Variants in CECR2 observed in about 807,000 individuals in gnomAD.
The protein encoded by CECR2 is chromatin remodeling regulator CECR2.
Under a neutral mutation model 154.5 loss-of-function variants are expected in CECR2, and 30 were observed. That is an observed-to-expected ratio of 0.19 (90% CI 0.15 to 0.26). The LOEUF is 0.26. Ranked by LOEUF, CECR2 falls within the 10% of genes least tolerant of loss-of-function variation. The pLI is 1.00. For synonymous variants in CECR2, 725 were observed against 683.7 expected (o/e 1.06, Z -0.94); for missense variants, 1,743 against 1,829.3 (o/e 0.95, Z 0.86).
At chr22:17,477,326 A>G (rs5747195) in intron 1 of CECR2, among the ~76,000 whole-genome samples, 12,393 of 152,246 alleles carry the variant, frequency 0.081, 637 homozygotes, top group South Asian at 0.23. Flanking sequence ...AAAAAGAGTT[A>G]TGTGTGTTTC....
chr22:17,415,582 AC>A (rs1379203885), intron 1 of CECR2, among the ~76,000 whole-genome samples: 15 of 152,254 alleles, frequency 9.9e-5, no homozygotes, highest in African/African-American at 3.6e-4. Context: ...TGTGCCTTCT[AC>A]AGTTGGTATT....
At chr22:17,499,176 AGGTG>A (rs2055690204) in intron 3 of CECR2, among the ~76,000 whole-genome samples, 2 of 151,236 alleles carry the variant, frequency 1.3e-5, no homozygotes, top group African/African-American at 4.9e-5. Context: ...TTTTTAGTAG[AGGTG>A]GGGTTTCACC....
intron 16 of CECR2, among the ~76,000 whole-genome samples, chr22:17,547,038 CAAAAAAAAAA>C (rs1167599171): frequency 1.9e-5 from 1 of 53,824 alleles, no homozygotes; most frequent in Non-Finnish European, 3.8e-5. Context: ...GACTCTGCCT[CAAAAAAAAAA>C]AAAAAAAAAA....
intron 2 of CECR2, among the ~76,000 whole-genome samples, chr22:17,482,572 C>T (rs902097034): frequency 6.6e-6 from 1 of 152,014 alleles, no homozygotes; most frequent in Admixed American, 6.6e-5. Flanking sequence ...CTCACTCTGG[C>T]ACCCAGGCTG....
At chr22:17,522,898 G>A (rs989817350) in intron 8 of CECR2, among the ~76,000 whole-genome samples, 35 of 151,736 alleles carry the variant, frequency 2.3e-4, no homozygotes, top group Admixed American at 7.9e-4. Context: ...TCAGCTACTC[G>A]AGAGGCTAAG....
At chr22:17,526,808 CAAAAAAAAA>C (rs34800488) in intron 9 of CECR2, among the ~76,000 whole-genome samples, 33 of 71,686 alleles carry the variant, frequency 4.6e-4, no homozygotes, top group African/African-American at 2.0e-3. Flanking sequence ...GACTCCATCT[CAAAAAAAAA>C]AAAAAAAAAA....
At chr22:17,475,325 G>A (rs9604747) in intron 1 of CECR2, among the ~76,000 whole-genome samples, 26,250 of 152,052 alleles carry the variant, frequency 0.17, 2,955 homozygotes, top group Non-Finnish European at 0.25. Context: ...AACATTGGCC[G>A]GGGGGAGCAG....
At position 17,447,798 on chromosome 22, in the gene CECR2, C is replaced by T. The variant is rs189011456; in HGVS notation, c.127-29790C>T. Reference sequence around the variant, plus strand: ...GAGCCCTGTTGTCCAATGTATTAGCCACTGGCAGCTGTGTAAGTTTACCTT... The same window carrying T: ...GAGCCCTGTTGTCCAATGTATTAGCTACTGGCAGCTGTGTAAGTTTACCTT... On this transcript the variant is annotated intron_variant, in intron 1 of 18. Transcript: ENST00000262608. Among the ~76,000 whole-genome samples, 17 of 152,114 alleles carry T rather than the reference C, an allele frequency of 1.1e-4. No homozygotes were observed. The East Asian group carries it at 1.9e-3, about 17-fold the overall frequency.
chr22:17,491,158 A>G (rs961794312), intron 2 of CECR2, among the ~76,000 whole-genome samples: 7 of 152,294 alleles, frequency 4.6e-5, no homozygotes, highest in Middle Eastern at 3.4e-3. Flanking sequence ...GCTGTTAGGA[A>G]TTCTGCCGCT....
intron 1 of CECR2, among the ~76,000 whole-genome samples, chr22:17,363,353 C>A (rs1472498364): frequency 6.6e-6 from 1 of 151,944 alleles, no homozygotes; most frequent in African/African-American, 2.4e-5. Flanking sequence ...CTACAGGTGC[C>A]CACCACCATG....
chr22:17,516,167 A>AG (rs2056049967), intron 8 of CECR2, among the ~76,000 whole-genome samples: 1 of 152,092 alleles, frequency 6.6e-6, no homozygotes, highest in South Asian at 2.1e-4. Context: ...TGGTCCAAAG[A>AG]GGAGAGGGAC....
chr22:17,521,827 A>G (rs901172816), intron 8 of CECR2, among the ~76,000 whole-genome samples: 2 of 152,300 alleles, frequency 1.3e-5, no homozygotes, highest in East Asian at 1.9e-4. Context: ...GTCCTTGCCC[A>G]TGCCTATGTC....
At chr22:17,506,803 G>C (rs748810961) in intron 7 of CECR2, among the ~76,000 whole-genome samples, 1 of 152,064 alleles carries the variant, frequency 6.6e-6, no homozygotes, top group Non-Finnish European at 1.5e-5. Flanking sequence ...ATAGGCGTGC[G>C]CCACCATGCC....
In CECR2 at chr22:17,464,770, G is replaced by C. The variant is rs190018548; in HGVS notation, c.127-12818G>C. On this transcript the variant is annotated intron_variant, in intron 1 of 18. Coordinates refer to ENST00000262608, the MANE Select transcript of CECR2 (RefSeq NM_001290047.2). ...CCCACTTCAGTCCCCCAAAGCACTA[G>C]GATTACATCCATGAGCCATTGTGCC... 5.3e-5 allele frequency among the ~76,000 whole-genome samples: 8 copies of C among 152,186 alleles called. No homozygotes were observed. In the East Asian group the frequency reaches 1.4e-3, roughly 26 times the overall value.
At chr22:17,449,098 T>C (rs1035187398) in intron 1 of CECR2, among the ~76,000 whole-genome samples, 48 of 152,046 alleles carry the variant, frequency 3.2e-4, no homozygotes, top group Non-Finnish European at 5.9e-4. Context: ...AAGCTGATCC[T>C]GAACTACTGA....
At chr22:17,365,521 C>T (rs938366215), upstream of CECR2, among the ~76,000 whole-genome samples, 8 of 151,006 alleles carry the variant, frequency 5.3e-5, no homozygotes, top group Admixed American at 1.3e-4. Flanking sequence ...GGTGAAACCC[C>T]GTCTCTACTA....
chr22:17,523,078 G>GTTTGT (rs1232644570), intron 8 of CECR2, among the ~76,000 whole-genome samples: 2 of 152,016 alleles, frequency 1.3e-5, no homozygotes, highest in East Asian at 1.9e-4. Flanking sequence ...ATCTAAACCA[G>GTTTGT]TTTGTTTTGT....
intron 5 of CECR2, among the ~76,000 whole-genome samples, chr22:17,502,682 A>G (rs574750077): frequency 1.3e-5 from 2 of 152,304 alleles, no homozygotes; most frequent in East Asian, 1.9e-4. Flanking sequence ...GGGTGCCTAT[A>G]GTCCCAGCTA....
At chr22:17,494,936 GCCCACCTCGGCCT>G (rs1175123525) in intron 2 of CECR2, among the ~76,000 whole-genome samples, 1 of 151,136 alleles carries the variant, frequency 6.6e-6, no homozygotes, top group African/African-American at 2.4e-5. Context: ...CTCGTGATCC[GCCCACCTCGGCCT>G]CCCACAGTGC....
Sources: allele counts gnomAD v4.1 joint callset (sites outside exome capture counted in the v4.1 genomes callset), GRCh38; gene constraint gnomAD v4.1.1; transcripts MANE v1.5; gene names NCBI Gene and HGNC (gene_info 2026-07-23, HGNC 2026-07-21).